The following LDLRAD3 variants were observed in gnomAD, a reference collection of about 807,000 sequenced individuals.
LDLRAD3 encodes low density lipoprotein receptor class A domain containing 3, also known as low-density lipoprotein receptor class A domain-containing protein 3.
Under a neutral mutation model 29.4 loss-of-function variants are expected in LDLRAD3, and 20 were observed. The observed-to-expected ratio is 0.68, with a 90% CI of 0.48 to 0.99. The LOEUF is 0.99. LDLRAD3 is among the 50% of genes least tolerant of loss of function. The probability of loss-of-function intolerance (pLI) is 0.00; values close to 1 mark genes in which losing one functional copy is unlikely to be tolerated. For missense variants in LDLRAD3, 420 were observed against 454.3 expected (o/e 0.92, Z 0.69); for synonymous variants, 157 against 192.7 (o/e 0.81, Z 1.53).
chr11:35,999,099 A>G (rs1851790933), intron 1 of LDLRAD3, among the ~76,000 whole-genome samples: 1 of 152,178 alleles, frequency 6.6e-6, no homozygotes, highest in Admixed American at 6.5e-5. Context: ...GTCACGAAAC[A>G]TCGATTGGGC....
At chr11:36,109,604 T>C (rs1489340962) in intron 4 of LDLRAD3, among the ~76,000 whole-genome samples, 2 of 152,166 alleles carry the variant, frequency 1.3e-5, no homozygotes, top group Non-Finnish European at 2.9e-5. Context: ...ACTTTTGGAA[T>C]AGAGAGATCT....
chr11:36,029,071 C>T (rs1211039566), intron 1 of LDLRAD3, among the ~76,000 whole-genome samples: 2 of 152,136 alleles, frequency 1.3e-5, no homozygotes, highest in East Asian at 1.9e-4. Context: ...GGGGAAACCC[C>T]GTCTCTACTA....
chr11:36,107,901 G>A (rs779302297), intron 4 of LDLRAD3, among the ~76,000 whole-genome samples: 1 of 152,186 alleles, frequency 6.6e-6, no homozygotes, highest in Admixed American at 6.5e-5. Context: ...ACAAAGGCAC[G>A]TACCAAATTT....
At chr11:36,117,205 G>A (rs1016009099) in intron 4 of LDLRAD3, among the ~76,000 whole-genome samples, 2 of 152,056 alleles carry the variant, frequency 1.3e-5, no homozygotes, top group Non-Finnish European at 2.9e-5. Flanking sequence ...GAATCTGGAA[G>A]GAAAAGGAGG....
chr11:36,145,241 C>T (rs1854167685), intron 4 of LDLRAD3, among the ~76,000 whole-genome samples: 2 of 84,682 alleles, frequency 2.4e-5, no homozygotes, highest in East Asian at 5.4e-4. Flanking sequence ...CCGCCCCGTC[C>T]GGGAGGGAAG....
At chr11:36,036,952 C>T (rs1310058398) in intron 2 of LDLRAD3, among the ~76,000 whole-genome samples, 5 of 152,070 alleles carry the variant, frequency 3.3e-5, no homozygotes, top group African/African-American at 9.7e-5. Context: ...AAAGAGGCAC[C>T]GGGGATGTGA....
At chr11:36,058,798 G>C (rs1452508437) in intron 2 of LDLRAD3, among the ~76,000 whole-genome samples, 2 of 152,196 alleles carry the variant, frequency 1.3e-5, no homozygotes, top group African/African-American at 2.4e-5. Context: ...TATATGGATA[G>C]AGGCTAGGAA....
intron 2 of LDLRAD3, among the ~76,000 whole-genome samples, chr11:36,069,155 C>T (rs1260607581): frequency 6.6e-6 from 1 of 152,192 alleles, no homozygotes; most frequent in African/African-American, 2.4e-5. Context: ...ACTTTTTGCT[C>T]AAGCCATAAA....
At chr11:36,038,891 A>G (rs1347528035) in intron 2 of LDLRAD3, among the ~76,000 whole-genome samples, 4 of 152,120 alleles carry the variant, frequency 2.6e-5, no homozygotes, top group Non-Finnish European at 4.4e-5. Context: ...AAAACAGAAC[A>G]TTAGAAAGTT....
intron 2 of LDLRAD3, among the ~76,000 whole-genome samples, chr11:36,053,235 CT>C (rs1212856808): frequency 6.6e-6 from 1 of 151,854 alleles, no homozygotes; most frequent in Non-Finnish European, 1.5e-5. Context: ...TCTAAGCAGC[CT>C]TTTTTTTCTT....
chr11:36,224,393 TAAAA>T (rs1855470782), intron 4 of LDLRAD3, among the ~76,000 whole-genome samples: 1 of 152,130 alleles, frequency 6.6e-6, no homozygotes, highest in Non-Finnish European at 1.5e-5. Flanking sequence ...TGCTAGATAA[TAAAA>T]TAAAGAAGTT....
At chr11:36,184,156 G>T (rs1854810974) in intron 4 of LDLRAD3, 2 of 185,304 alleles carry the variant, frequency 1.1e-5, no homozygotes, top group South Asian at 7.9e-5. Context: ...ATAGAGACAG[G>T]GTTTCTCCAT....
intron 4 of LDLRAD3, among the ~76,000 whole-genome samples, chr11:36,104,489 T>G (rs1853497864): frequency 6.6e-6 from 1 of 152,184 alleles, no homozygotes; most frequent in Non-Finnish European, 1.5e-5. Flanking sequence ...GGGCTCCAAT[T>G]CTCACTGCTC....
intron 1 of LDLRAD3, among the ~76,000 whole-genome samples, chr11:35,965,816 C>A (rs2133141143): frequency 6.6e-6 from 1 of 152,044 alleles, no homozygotes; most frequent in Non-Finnish European, 1.5e-5. Flanking sequence ...TTTTTAAAAT[C>A]AGGAAAAGAA....
chr11:36,193,634 G>A (rs532767066), intron 4 of LDLRAD3, among the ~76,000 whole-genome samples: 1 of 152,098 alleles, frequency 6.6e-6, no homozygotes, highest in Non-Finnish European at 1.5e-5. Flanking sequence ...CAGCTCTCCT[G>A]TTAAGAGCAC....
chr11:36,172,519 G>C (rs1202697255), intron 4 of LDLRAD3, among the ~76,000 whole-genome samples: 1 of 151,642 alleles, frequency 6.6e-6, no homozygotes, highest in African/African-American at 2.4e-5. Flanking sequence ...ATTTTGCTGA[G>C]GGTTTTAATA....
chr11:36,186,541 T>G (rs908194982), intron 4 of LDLRAD3, among the ~76,000 whole-genome samples: 1 of 152,210 alleles, frequency 6.6e-6, no homozygotes, highest in African/African-American at 2.4e-5. Flanking sequence ...GGTCTAGGGT[T>G]ACCATGTTCA....
chr11:36,226,094 T>TA (rs1855495008), intron 4 of LDLRAD3, among the ~76,000 whole-genome samples: 1 of 150,698 alleles, frequency 6.6e-6, no homozygotes, highest in African/African-American at 2.5e-5. Context: ...AATAAATAAA[T>TA]AATGAATCAT....
intron 1 of LDLRAD3, among the ~76,000 whole-genome samples, chr11:35,998,334 A>G (rs1414161337): frequency 1.3e-5 from 2 of 152,092 alleles, no homozygotes; most frequent in Non-Finnish European, 2.9e-5. Context: ...GATGCTTGCA[A>G]ACGCTCCTAG....
Sources: allele counts gnomAD v4.1 joint callset (sites outside exome capture counted in the v4.1 genomes callset), GRCh38; gene constraint gnomAD v4.1.1; transcripts MANE v1.5; gene names NCBI Gene and HGNC (gene_info 2026-07-23, HGNC 2026-07-21).